The following ROBO1 variants were observed in gnomAD, a reference collection of about 807,000 sequenced individuals.
The protein encoded by ROBO1 is roundabout homolog 1.
ROBO1 carries 149 observed loss-of-function variants against 195.9 expected under a neutral mutation model. The observed-to-expected ratio is 0.76, with a 90% CI of 0.67 to 0.87. The LOEUF is 0.87. ROBO1 is among the 40% of genes least tolerant of loss of function. ROBO1 has a pLI of 0.00. For missense variants in ROBO1, 1,933 were observed against 2,068.3 expected (o/e 0.93, Z 1.27); for synonymous variants, 816 against 733.2 (o/e 1.11, Z -1.82).
chr3:79,355,187 C>CAA (rs750719790), intron 2 of ROBO1, among the ~76,000 whole-genome samples: 1 of 145,864 alleles, frequency 6.9e-6, no homozygotes, highest in African/African-American at 2.5e-5. Flanking sequence ...AACAAACAAA[C>CAA]AAAAAAAAAA....
intron 2 of ROBO1, among the ~76,000 whole-genome samples, chr3:79,335,125 A>G (rs2034612097): frequency 6.6e-6 from 1 of 152,206 alleles, no homozygotes; most frequent in Admixed American, 6.5e-5. Context: ...AAAACAAAAA[A>G]CAAAAAACGC....
intron 2 of ROBO1, among the ~76,000 whole-genome samples, chr3:79,331,720 G>C (rs2034445729): frequency 6.6e-6 from 1 of 152,144 alleles, no homozygotes; most frequent in African/African-American, 2.4e-5. Flanking sequence ...CCCCGTTCAT[G>C]TGAAAAACAT....
At chr3:78,964,114 T>A (rs1293045563) in intron 3 of ROBO1, among the ~76,000 whole-genome samples, 2 of 152,256 alleles carry the variant, frequency 1.3e-5, no homozygotes, top group East Asian at 3.9e-4. Flanking sequence ...CCTATCCTGA[T>A]CCCTGTCTTT....
intron 1 of ROBO1, among the ~76,000 whole-genome samples, chr3:79,702,995 C>CTAT (rs1947662127): frequency 6.6e-6 from 1 of 151,852 alleles, no homozygotes; most frequent in South Asian, 2.1e-4. Flanking sequence ...TGGTGACCTA[C>CTAT]TATTCCCTTG....
chr3:78,677,132 T>C (rs1456287712), intron 10 of ROBO1, among the ~76,000 whole-genome samples: 2 of 152,172 alleles, frequency 1.3e-5, no homozygotes, highest in African/African-American at 4.8e-5. Flanking sequence ...CTGAGAGATT[T>C]TGTCACCACC....
At chr3:79,185,485 A>T (rs2081421028) in intron 2 of ROBO1, among the ~76,000 whole-genome samples, 1 of 152,124 alleles carries the variant, frequency 6.6e-6, no homozygotes, top group African/African-American at 2.4e-5. Context: ...TTAATCTTCA[A>T]TGTCACTTCC....
chr3:79,692,017 A>G (rs1652041195), intron 1 of ROBO1, among the ~76,000 whole-genome samples: 1 of 151,868 alleles, frequency 6.6e-6, no homozygotes, highest in Non-Finnish European at 1.5e-5. Flanking sequence ...GAGGAAGTAC[A>G]AGGTATATTT....
At chr3:79,233,130 TA>T (rs773834204) in intron 2 of ROBO1, among the ~76,000 whole-genome samples, 1 of 151,128 alleles carries the variant, frequency 6.6e-6, no homozygotes, top group South Asian at 2.1e-4. Flanking sequence ...TTTCTTATAA[TA>T]AAAAAAGAAA....
chr3:79,098,752 T>C (rs921180510), intron 3 of ROBO1, among the ~76,000 whole-genome samples: 4 of 151,878 alleles, frequency 2.6e-5, no homozygotes, highest in African/African-American at 7.2e-5. Context: ...TAGAAGGCCA[T>C]AGAAGAGGCT....
intron 8 of ROBO1, among the ~76,000 whole-genome samples, chr3:78,711,351 C>CT (rs748580709): frequency 0.05 from 2,069 of 41,352 alleles, 169 homozygotes; most frequent in African/African-American, 0.16. Flanking sequence ...TTCCTTCCTC[C>CT]TTCCTTCCTT....
At position 78,668,543 on chromosome 3, in the gene ROBO1, G is replaced by A. The variant is rs748818789; in HGVS notation, c.1571C>T (p.Thr524Ile). ...YAKLGDTGRY[T>I]CIASTPSGEA... Reference sequence around the variant, plus strand: ...ACCACTGGGGGTTGATGCAATGCAGGTGTACCGACCAGTATCACCCAGCTG... The same window carrying A: ...ACCACTGGGGGTTGATGCAATGCAGATGTACCGACCAGTATCACCCAGCTG... Residue 524 changes from threonine (T) to isoleucine (I), a missense_variant, in exon 12 of 31, where the codon ACC (threonine) becomes ATC (isoleucine). Thr to Ile is a moderately conservative substitution (Grantham distance 89). This residue lies in a region of ROBO1 where 1,737 missense variants were observed against 1,882.5 expected (regional missense o/e 0.92). Transcript: ENST00000464233. 2 of 1,613,770 alleles carry A rather than the reference G, an allele frequency of 1.2e-6. No individual in the cohort carries two copies. Among genetic ancestry groups the A allele is most frequent in the East Asian group, 2.2e-5 (1 of 44,862 alleles).
intron 2 of ROBO1, among the ~76,000 whole-genome samples, chr3:79,290,749 C>T (rs539496671): frequency 6.6e-6 from 1 of 152,166 alleles, no homozygotes; most frequent in Admixed American, 6.5e-5. Flanking sequence ...AACTATGGTC[C>T]ACATTCTTTT....
chr3:78,658,890 CCAGT>C (rs1394928678), intron 17 of ROBO1, among the ~76,000 whole-genome samples: 1 of 152,068 alleles, frequency 6.6e-6, no homozygotes. Flanking sequence ...TGATTTTGTA[CCAGT>C]CAATCAGGTT....
intron 3 of ROBO1, among the ~76,000 whole-genome samples, chr3:78,954,350 T>G (rs13325521): frequency 0.14 from 21,787 of 152,016 alleles, 2,305 homozygotes; most frequent in African/African-American, 0.3. Flanking sequence ...ACTGAGTGAA[T>G]AGTCATATTG....
chr3:79,125,440 GAA>G lies in ROBO1; in HGVS notation c.172+14_172+15del. The G allele has an allele frequency of 1.2e-6, 2 of 1,609,088 alleles. No individual in the cohort carries two copies. The highest frequency in any genetic ancestry group is 3.3e-5 in the Admixed American group (2 of 59,806). Reference sequence around the variant, plus strand: ...ATTTCAGGAGGAAGTTAGTATTTGGGAAAGAGACACTCTACCTGTATAGCCCA... The same window carrying G: ...ATTTCAGGAGGAAGTTAGTATTTGGGAGAGACACTCTACCTGTATAGCCCA... On this transcript the variant is annotated intron_variant, in intron 3 of 30. Transcript: ENST00000464233.
intron 2 of ROBO1, among the ~76,000 whole-genome samples, chr3:79,213,816 CTT>C (rs59942369): frequency 7.8e-3 from 584 of 74,620 alleles, no homozygotes; most frequent in Middle Eastern, 0.02. Context: ...TCTCCCCTTT[CTT>C]TTTTTTTTTT....
chr3:79,337,152 T>G (rs2034706327), intron 2 of ROBO1, among the ~76,000 whole-genome samples: 1 of 152,218 alleles, frequency 6.6e-6, no homozygotes, highest in Non-Finnish European at 1.5e-5. Flanking sequence ...GATGAGACTT[T>G]GGACTATGGA....
At position 78,931,153 on chromosome 3, in the gene ROBO1, T is replaced by C. The variant is rs144011104; in HGVS notation, c.499+7448A>G. Among the ~76,000 whole-genome samples, 1,136 of 152,242 alleles carry C rather than the reference T, an allele frequency of 7.5e-3. 7 individuals are homozygous for C. The highest frequency in any genetic ancestry group is 0.011 in the Non-Finnish European group (774 of 68,006). On this transcript the variant is annotated intron_variant, in intron 4 of 30. Transcript: ENST00000464233. ...GTTACTTTAAAAAAAAATCACTTTT[T>C]TTTGGACAAACTATATTTTGGTATT...
At chr3:79,463,636 C>A (rs1190269332) in intron 2 of ROBO1, among the ~76,000 whole-genome samples, 1 of 151,992 alleles carries the variant, frequency 6.6e-6, no homozygotes, top group South Asian at 2.1e-4. Context: ...ATCTGCTAAC[C>A]GAAAAAGATG....
Sources: allele counts gnomAD v4.1 joint callset (sites outside exome capture counted in the v4.1 genomes callset), GRCh38; gene constraint gnomAD v4.1.1; regional missense constraint gnomAD v4.1.1; transcripts MANE v1.5; gene names NCBI Gene and HGNC (gene_info 2026-07-23, HGNC 2026-07-21).